The following ROCK2 variants were observed in gnomAD, a reference collection of about 807,000 sequenced individuals.
ROCK2 encodes Rho associated coiled-coil containing protein kinase 2.
ROCK2 carries 61 observed loss-of-function variants against 195.1 expected under a neutral mutation model. The ratio of observed to expected loss-of-function variants is 0.31; its 90% CI spans 0.25 to 0.39. The LOEUF is 0.39. ROCK2 is among the 10% of genes least tolerant of loss of function. The pLI is 1.00. For synonymous variants in ROCK2, 504 were observed against 545.5 expected, an observed-to-expected ratio of 0.92 and a Z score of 1.06; for missense variants, 1,109 against 1,637.4, an observed-to-expected ratio of 0.68 and a Z score of 5.57.
chr2:11,262,201 A>C (rs1191680672), intron 3 of ROCK2, among the ~76,000 whole-genome samples: 1 of 152,204 alleles, frequency 6.6e-6, no homozygotes, highest in Non-Finnish European at 1.5e-5. Flanking sequence ...TAATTTTAAA[A>C]GTGGATGAGT....
At chr2:11,203,592 T>C (rs576790155) in intron 20 of ROCK2, among the ~76,000 whole-genome samples, 1 of 152,174 alleles carries the variant, frequency 6.6e-6, no homozygotes, top group Non-Finnish European at 1.5e-5. Flanking sequence ...AACCCTAGTC[T>C]CTTCAGTTCG....
intron 3 of ROCK2, among the ~76,000 whole-genome samples, chr2:11,269,484 G>A (rs966889313): frequency 2.9e-4 from 43 of 150,614 alleles, no homozygotes; most frequent in Middle Eastern, 3.4e-3. Context: ...GCACTGCAGC[G>A]TGGGTGACAG....
At chr2:11,318,508 C>T (rs554631781) in intron 1 of ROCK2, among the ~76,000 whole-genome samples, 21 of 152,164 alleles carry the variant, frequency 1.4e-4, no homozygotes, top group African/African-American at 3.6e-4. Context: ...GATATTAGCC[C>T]TTTGTCAGAT....
intron 10 of ROCK2, 138 bp from the exon 11 acceptor site, chr2:11,218,604 G>T: frequency 1.7e-6 from 1 of 594,128 alleles, no homozygotes; most frequent in Non-Finnish European, 2.8e-6. Flanking sequence ...AAAATGTTTA[G>T]CATCATCATT....
chr2:11,339,899 T>G (rs866205198), intron 1 of ROCK2, among the ~76,000 whole-genome samples: 1 of 152,208 alleles, frequency 6.6e-6, no homozygotes, highest in African/African-American at 2.4e-5. Flanking sequence ...GTTCCACTTA[T>G]TAACTTGTGT....
At chr2:11,324,454 CTT>C (rs1289083879) in intron 1 of ROCK2, among the ~76,000 whole-genome samples, 2 of 103,332 alleles carry the variant, frequency 1.9e-5, no homozygotes, top group African/African-American at 6.1e-5. Context: ...ACAAAACAAA[CTT>C]ATGTTCACAC....
At chr2:11,296,008 GAGAGAGAGAGA>G (rs1558369916) in intron 1 of ROCK2, among the ~76,000 whole-genome samples, 8 of 95,720 alleles carry the variant, frequency 8.4e-5, no homozygotes, top group African/African-American at 3.0e-4. Context: ...AGAGAGAGGA[GAGAGAGAGAGA>G]GAGAGAGAGA....
intron 28 of ROCK2, among the ~76,000 whole-genome samples, chr2:11,194,698 C>A (rs1206716208): frequency 6.6e-6 from 1 of 151,978 alleles, no homozygotes; most frequent in Non-Finnish European, 1.5e-5. Flanking sequence ...ATTCACAGTT[C>A]TTTTCCCAAC....
chr2:11,313,714 T>A (rs1668108347), intron 1 of ROCK2, among the ~76,000 whole-genome samples: 1 of 152,032 alleles, frequency 6.6e-6, no homozygotes, highest in Non-Finnish European at 1.5e-5. Flanking sequence ...ATATCTATTA[T>A]GTTTAGATCA....
At position 11,344,310 on chromosome 2, in the gene ROCK2, G is replaced by A. The variant is rs894784170; in HGVS notation, c.-174C>T. ...GTCCCCCGCCTGGGGGCTGCTCCCAGGGGCCCGCCCGGCCCAGCCCGGCCC... is the reference window on the plus strand; with the variant it reads ...GTCCCCCGCCTGGGGGCTGCTCCCAAGGGCCCGCCCGGCCCAGCCCGGCCC... On this transcript the variant is annotated 5_prime_UTR_variant, in exon 1 of 33. Coordinates refer to ENST00000315872, the MANE Select transcript of ROCK2 (RefSeq NM_004850.5). This position sits in a 1 kb window ranked among gnomAD's most constrained non-coding sequence, Gnocchi z 5.4. The A allele has an allele frequency of 1.6e-6, 2 of 1,226,550 alleles. No homozygotes were observed. Among genetic ancestry groups the A allele is most frequent in the Admixed American group, 4.5e-5 (1 of 22,110 alleles). 76.0% of individuals were successfully genotyped at this position (1,226,550 alleles called of 1,614,324 possible). A position where few individuals can be genotyped will look rare whatever the true frequency, so the allele number is the denominator to read the frequency against.
At chr2:11,307,907 G>T in intron 1 of ROCK2, 1 of 1,263,772 alleles carries the variant, frequency 7.9e-7, no homozygotes. Flanking sequence ...GGGTGGCGGT[G>T]GTGGCCGTAG....
At chr2:11,253,025 A>G (rs964524431) in intron 3 of ROCK2, among the ~76,000 whole-genome samples, 1 of 151,314 alleles carries the variant, frequency 6.6e-6, no homozygotes, top group African/African-American at 2.4e-5. Flanking sequence ...CTATTTCTAC[A>G]TATGTTATGT....
At chr2:11,231,350 G>C (rs1197383976) in intron 5 of ROCK2, among the ~76,000 whole-genome samples, 1 of 152,022 alleles carries the variant, frequency 6.6e-6, no homozygotes, top group African/African-American at 2.4e-5. Context: ...TGGGACTATA[G>C]GCCCGCGCCA....
At chr2:11,335,542 T>C (rs1440906249) in intron 1 of ROCK2, among the ~76,000 whole-genome samples, 3 of 152,216 alleles carry the variant, frequency 2.0e-5, no homozygotes, top group East Asian at 3.8e-4. Context: ...GTTTTAAGTA[T>C]AGTTGTATAG....
chr2:11,340,269 T>A (rs1324042659), intron 1 of ROCK2, among the ~76,000 whole-genome samples: 1 of 152,186 alleles, frequency 6.6e-6, no homozygotes, highest in African/African-American at 2.4e-5. Context: ...CAAAAGGCAT[T>A]ATTATTTACA....
intron 1 of ROCK2, among the ~76,000 whole-genome samples, chr2:11,315,482 TA>T (rs1311453989): frequency 6.6e-6 from 1 of 151,974 alleles, no homozygotes; most frequent in Non-Finnish European, 1.5e-5. Context: ...AAAAAAACAG[TA>T]AATTATCTGA....
chr2:11,184,848 C>G, intron 32 of ROCK2: 1 of 739,256 alleles, frequency 1.4e-6, no homozygotes. Context: ...AGAAATCATA[C>G]TTTGAATGTG....
At position 11,198,486 on chromosome 2, in the gene ROCK2, C is replaced by T. The variant is rs1263418368; in HGVS notation, c.3099+5G>A. The T allele has an allele frequency of 3.2e-6, 5 of 1,564,770 alleles. No homozygotes were observed. The South Asian group carries it at 5.6e-5, about 17-fold the overall frequency. The stretch of plus-strand genomic sequence containing the variant: ...AAAATCATATTTAGATTCTATTATA[C>T]ATACTTGAGTTTTGAGTGTTCTTTC... On this transcript the variant is annotated splice_donor_5th_base_variant and intron_variant, in intron 25 of 32. Coordinates refer to ENST00000315872, the MANE Select transcript of ROCK2 (RefSeq NM_004850.5).
At chr2:11,249,580 C>T (rs1295874462) in intron 4 of ROCK2, 81 bp downstream of exon 4, 4 of 1,124,742 alleles carry the variant, frequency 3.6e-6, no homozygotes, top group Non-Finnish European at 4.8e-6. Flanking sequence ...AAGCATAAGA[C>T]TTGGCACACA....
Sources: allele counts gnomAD v4.1 joint callset (sites outside exome capture counted in the v4.1 genomes callset), GRCh38; gene constraint gnomAD v4.1.1; non-coding constraint Gnocchi (gnomAD v3.1); transcripts MANE v1.5; gene names NCBI Gene and HGNC (gene_info 2026-07-23, HGNC 2026-07-21).